Variants in DLG2 observed in about 807,000 individuals in gnomAD.
DLG2 encodes the protein disks large homolog 2.
Under a neutral mutation model 132.5 loss-of-function variants are expected in DLG2, and 45 were observed. That is an observed-to-expected ratio of 0.34 (90% CI 0.27 to 0.44). DLG2 has a LOEUF of 0.44. Among genes scored for constraint, DLG2 ranks in the 20% least tolerant of loss-of-function variants. DLG2 has a pLI of 1.00. For missense variants in DLG2, 1,045 were observed against 1,196.9 expected (o/e 0.87, Z 1.87); for synonymous variants, 424 against 419.6 (o/e 1.01, Z -0.13).
At chr11:84,475,746 G>A (rs1361268512) in intron 7 of DLG2, among the ~76,000 whole-genome samples, 5 of 152,068 alleles carry the variant, frequency 3.3e-5, no homozygotes, top group Non-Finnish European at 5.9e-5. Flanking sequence ...AAAGAGATAG[G>A]AATGCACTGG....
At chr11:85,496,945 G>A (rs2093681229) in intron 3 of DLG2, among the ~76,000 whole-genome samples, 3 of 152,240 alleles carry the variant, frequency 2.0e-5, no homozygotes, top group South Asian at 2.1e-4. Flanking sequence ...AAAGACCAAA[G>A]CTAGATAAAA....
At chr11:84,335,343 C>A (rs538751696) in intron 7 of DLG2, among the ~76,000 whole-genome samples, 1 of 152,100 alleles carries the variant, frequency 6.6e-6, no homozygotes, top group South Asian at 2.1e-4. Flanking sequence ...TATACCATTG[C>A]TGGCACTGGT....
At position 83,497,547 on chromosome 11, in the gene DLG2, CAAAA is replaced by C. The variant is rs1565480824; in HGVS notation, c.2194-13323_2194-13320del. On this transcript the variant is annotated intron_variant, in intron 21 of 27. Coordinates refer to ENST00000376104, the MANE Select transcript of DLG2 (RefSeq NM_001142699.3). The stretch of plus-strand genomic sequence containing the variant: ...GAGACTTCGTCTCAAAAACAAAAAA[CAAAA>C]AACAAAAAACAAAACAAAACCCACA... Among the ~76,000 whole-genome samples, 251 of 77,866 alleles carry C rather than the reference CAAAA, an allele frequency of 3.2e-3. 2 individuals carry two copies. Among genetic ancestry groups the C allele is most frequent in the African/African-American group, 8.3e-3 (224 of 26,886 alleles). 51.1% of individuals were successfully genotyped at this position (77,866 alleles called of 152,430 possible).
intron 8 of DLG2, among the ~76,000 whole-genome samples, chr11:84,208,370 G>C (rs897935121): frequency 6.8e-6 from 1 of 147,540 alleles, no homozygotes; most frequent in Non-Finnish European, 1.5e-5. Flanking sequence ...TGGTGAGATG[G>C]ACTCGCTCTG....
At chr11:84,187,938 T>C (rs1206165058) in intron 8 of DLG2, among the ~76,000 whole-genome samples, 2 of 152,120 alleles carry the variant, frequency 1.3e-5, no homozygotes, top group Non-Finnish European at 1.5e-5. Flanking sequence ...AGAAAGACTC[T>C]AAAATGTAAC....
chr11:83,904,499 A>G (rs10898177), intron 15 of DLG2, among the ~76,000 whole-genome samples: 50,751 of 152,002 alleles, frequency 0.33, 8,808 homozygotes, highest in East Asian at 0.51. Flanking sequence ...ATCTGATTAT[A>G]TAATTCTTGG....
intron 3 of DLG2, among the ~76,000 whole-genome samples, chr11:85,297,795 T>TGGAA (rs2079331371): frequency 6.6e-6 from 1 of 151,886 alleles, no homozygotes; most frequent in African/African-American, 2.4e-5. Context: ...ATGAGAAGGG[T>TGGAA]ATTCAAGTAT....
intron 16 of DLG2, among the ~76,000 whole-genome samples, chr11:83,864,036 C>T (rs2061877251): frequency 6.6e-6 from 1 of 152,164 alleles, no homozygotes; most frequent in East Asian, 1.9e-4. Flanking sequence ...AAGAACATGG[C>T]TCTGTTCTAT....
At chr11:85,526,538 T>G (rs975283736) in intron 3 of DLG2, among the ~76,000 whole-genome samples, 17 of 152,096 alleles carry the variant, frequency 1.1e-4, no homozygotes, top group African/African-American at 4.1e-4. Context: ...ATAAAGTCAT[T>G]CAGAAAGAAG....
chr11:83,876,822 C>G (rs982432265), intron 15 of DLG2, among the ~76,000 whole-genome samples: 1 of 152,072 alleles, frequency 6.6e-6, no homozygotes, highest in Admixed American at 6.6e-5. Context: ...ACATATGTAA[C>G]TTCATATCCT....
intron 7 of DLG2, among the ~76,000 whole-genome samples, chr11:84,467,219 C>A (rs2099096837): frequency 6.6e-6 from 1 of 151,266 alleles, no homozygotes; most frequent in Non-Finnish European, 1.5e-5. Context: ...AATCTGATAA[C>A]AATTTGAGTA....
At chr11:85,342,530 G>C (rs183678852) in intron 3 of DLG2, among the ~76,000 whole-genome samples, 163 of 152,152 alleles carry the variant, frequency 1.1e-3, no homozygotes, top group Middle Eastern at 0.01. Context: ...GGTTTTCCAG[G>C]TAACTATTTT....
intron 6 of DLG2, among the ~76,000 whole-genome samples, chr11:84,710,376 C>T (rs554056700): frequency 1.3e-5 from 2 of 151,990 alleles, no homozygotes; most frequent in Middle Eastern, 3.4e-3. Context: ...GATTAATGGA[C>T]AAGTGTACCT....
intron 4 of DLG2, among the ~76,000 whole-genome samples, chr11:85,245,485 T>C (rs1329022276): frequency 6.6e-6 from 1 of 151,974 alleles, no homozygotes; most frequent in East Asian, 1.9e-4. Context: ...ATCCTAACAC[T>C]TCTCACCACT....
intron 12 of DLG2, among the ~76,000 whole-genome samples, chr11:83,975,705 GAGA>G (rs1388611299): frequency 1.3e-5 from 2 of 151,922 alleles, no homozygotes; most frequent in African/African-American, 4.8e-5. Flanking sequence ...CTGGAAGAGA[GAGA>G]AAAGGTCTAA....
intron 18 of DLG2, among the ~76,000 whole-genome samples, chr11:83,764,460 G>T (rs1335636185): frequency 6.6e-6 from 1 of 152,242 alleles, no homozygotes; most frequent in East Asian, 1.9e-4. Flanking sequence ...CCCCAAAGGG[G>T]TGTGCAGGGA....
chr11:85,033,525 G>C (rs1032275571), intron 6 of DLG2, among the ~76,000 whole-genome samples: 2 of 151,940 alleles, frequency 1.3e-5, no homozygotes, highest in Non-Finnish European at 2.9e-5. Flanking sequence ...TTATCTCATC[G>C]CCAACTGGCA....
At chr11:84,951,449 A>G (rs2050900333) in intron 6 of DLG2, among the ~76,000 whole-genome samples, 1 of 152,136 alleles carries the variant, frequency 6.6e-6, no homozygotes, top group Non-Finnish European at 1.5e-5. Context: ...GTTTGTAATT[A>G]GGGTAGGACC....
intron 5 of DLG2, among the ~76,000 whole-genome samples, chr11:85,154,237 A>C (rs2152459040): frequency 6.6e-6 from 1 of 152,192 alleles, no homozygotes; most frequent in East Asian, 1.9e-4. Context: ...CAAATAGTTA[A>C]CATCTTCTAG....
Sources: allele counts gnomAD v4.1 joint callset (sites outside exome capture counted in the v4.1 genomes callset), GRCh38; gene constraint gnomAD v4.1.1; transcripts MANE v1.5; gene names NCBI Gene and HGNC (gene_info 2026-07-23, HGNC 2026-07-21).